The following VPS13C variants were observed in gnomAD, a reference collection of about 807,000 sequenced individuals.
The protein encoded by VPS13C is vacuolar protein sorting 13 homolog C, also known as intermembrane lipid transfer protein VPS13C.
A neutral mutation model predicts 456.8 loss-of-function variants in VPS13C; 358 were observed. The ratio of observed to expected loss-of-function variants is 0.78; its 90% CI spans 0.72 to 0.86. VPS13C has a LOEUF of 0.86. VPS13C is among the 40% of genes least tolerant of loss of function. VPS13C has a pLI of 0.00. For synonymous variants in VPS13C, 1,578 were observed against 1,486.7 expected (o/e 1.06, Z -1.41); for missense variants, 4,818 against 4,385.4 (o/e 1.10, Z -2.79).
At chr15:61,907,482 T>C in intron 65 of VPS13C, 92 bp from the exon 66 acceptor site, 2 of 1,465,246 alleles carry the variant, frequency 1.4e-6, no homozygotes, top group Admixed American at 4.9e-5. Context: ...AGCACAGAAG[T>C]CCTACGAAAT....
At chr15:62,029,721 G>T (rs1253845708) in intron 5 of VPS13C, among the ~76,000 whole-genome samples, 1 of 152,034 alleles carries the variant, frequency 6.6e-6, no homozygotes. Context: ...TTTCAACAAT[G>T]TGTAGACTGG....
chr15:62,044,256 C>T lies in VPS13C; in HGVS notation c.101-1G>A, dbSNP rs757475739. The T allele has an allele frequency of 7.4e-5, 108 of 1,468,024 alleles. No individual in the cohort carries two copies. Among genetic ancestry groups the T allele is most frequent in the Non-Finnish European group, 9.8e-5 (105 of 1,069,082 alleles). 90.9% of individuals were successfully genotyped at this position (1,468,024 alleles called of 1,614,324 possible). ...TGTAGATTATCTAAAGCCACATTTCCTTTAAAAAAAGAAAACAAAGAAAAA... is the reference window on the plus strand; with the variant it reads ...TGTAGATTATCTAAAGCCACATTTCTTTTAAAAAAAGAAAACAAAGAAAAA... On this transcript the variant is annotated splice_acceptor_variant, in intron 1 of 84. Transcript: ENST00000644861. LOFTEE classifies it high-confidence loss of function.
At chr15:62,052,042 A>C (rs572019585) in intron 1 of VPS13C, among the ~76,000 whole-genome samples, 106 of 152,334 alleles carry the variant, frequency 7.0e-4, no homozygotes, top group Middle Eastern at 3.4e-3. Flanking sequence ...TACTAAGAAT[A>C]GAATCTATGT....
intron 81 of VPS13C, chr15:61,864,887 T>C: frequency 2.1e-6 from 2 of 971,768 alleles, no homozygotes; most frequent in Non-Finnish European, 2.4e-6. Context: ...GAAATTTAAA[T>C]ATGTTAAAAT....
intron 81 of VPS13C, among the ~76,000 whole-genome samples, chr15:61,868,431 T>C (rs1442582931): frequency 6.6e-6 from 1 of 151,718 alleles, no homozygotes; most frequent in Admixed American, 6.6e-5. Flanking sequence ...CTTAACATTA[T>C]CTTTTCTGCA....
intron 82 of VPS13C, among the ~76,000 whole-genome samples, chr15:61,861,860 G>A (rs531911958): frequency 2.0e-5 from 3 of 152,290 alleles, no homozygotes; most frequent in South Asian, 4.1e-4. Flanking sequence ...GGCACTTTGG[G>A]AGGCCAAGGT....
intron 83 of VPS13C, 27 bp downstream of exon 83, chr15:61,856,259 C>T (rs1400285321): frequency 5.0e-6 from 8 of 1,611,402 alleles, no homozygotes; most frequent in South Asian, 1.1e-5. Flanking sequence ...GAACTCTTAG[C>T]TCTAAAGGTG....
intron 66 of VPS13C, among the ~76,000 whole-genome samples, chr15:61,901,734 C>T (rs569265272): frequency 1.3e-5 from 2 of 151,908 alleles, no homozygotes; most frequent in East Asian, 3.9e-4. Context: ...ACTAGAAATA[C>T]CATTTGACCC....
rs1312255531 is a variant in VPS13C, at chr15:61,853,185, C to A, written c.*1272G>T. The A allele has an allele frequency of 6.6e-6, 1 of 152,054 alleles. No homozygotes were observed. Among genetic ancestry groups the A allele is most frequent in the African/African-American group, 2.4e-5 (1 of 41,402 alleles). 9.4% of individuals were successfully genotyped at this position (152,054 alleles called of 1,614,324 possible). ...ACAGAACACAGTGTCATTATATATG[C>A]CTTATTTATATATAAAACAACCAAA... On this transcript the variant is annotated 3_prime_UTR_variant, in exon 85 of 85. Coordinates refer to ENST00000644861, the MANE Select transcript of VPS13C (RefSeq NM_020821.3).
At chr15:61,958,567 T>C (rs776525683) in intron 37 of VPS13C, 41 bp downstream of exon 37, 4 of 1,077,826 alleles carry the variant, frequency 3.7e-6, no homozygotes, top group East Asian at 2.7e-5. Context: ...CATAAATAAA[T>C]AGACACATAT....
At chr15:61,892,106 T>A (rs2042669793) in intron 66 of VPS13C, among the ~76,000 whole-genome samples, 1 of 152,134 alleles carries the variant, frequency 6.6e-6, no homozygotes, top group Non-Finnish European at 1.5e-5. Flanking sequence ...GGAAAACCAC[T>A]CCTGGCTCAG....
At position 61,983,848 on chromosome 15, in the gene VPS13C, G is replaced by C; in HGVS notation, c.1886C>G (p.Ser629Cys). 1 of 1,614,072 alleles carries C rather than the reference G, an allele frequency of 6.2e-7. No individual in the cohort carries two copies. Among genetic ancestry groups the C allele is most frequent in the South Asian group, 1.1e-5 (1 of 91,074 alleles). The change falls in exon 20 of 85, where the codon TCC becomes TGC. Residue 629 changes from serine to cysteine, a missense_variant. Transcript: ENST00000644861. ...SPADQTLIVQSQPVEVIYDAK... is the reference protein window; with the variant it reads ...SPADQTLIVQCQPVEVIYDAK... The stretch of plus-strand genomic sequence containing the variant: ...ATCATAGATGACCTCCACAGGCTGG[G>C]ACTGAACAATCAGAGTCTGGTCAGC...
chr15:62,038,786 A>G (rs1237808031), intron 3 of VPS13C, among the ~76,000 whole-genome samples: 1 of 152,202 alleles, frequency 6.6e-6, no homozygotes, highest in Non-Finnish European at 1.5e-5. Context: ...TCAAAACAGC[A>G]AAGTACATAA....
intron 66 of VPS13C, among the ~76,000 whole-genome samples, chr15:61,905,417 G>T (rs4774425): frequency 0.54 from 81,471 of 151,906 alleles, 22,155 homozygotes; most frequent in Admixed American, 0.62. Context: ...ATCTTATGTT[G>T]TAATTTAATC....
At chr15:62,040,607 A>C (rs942809168) in intron 3 of VPS13C, among the ~76,000 whole-genome samples, 14 of 152,120 alleles carry the variant, frequency 9.2e-5, no homozygotes, top group Non-Finnish European at 2.1e-4. Context: ...TTGGATACAA[A>C]GTTCAATATC....
chr15:61,911,716 G>T, intron 63 of VPS13C, 124 bp downstream of exon 63: 1 of 991,280 alleles, frequency 1.0e-6, no homozygotes, highest in Non-Finnish European at 1.4e-6. Flanking sequence ...ATCTTTCAAA[G>T]CTGGCTGTCA....
At chr15:62,028,782 A>T (rs1233560377) in intron 5 of VPS13C, among the ~76,000 whole-genome samples, 1 of 152,070 alleles carries the variant, frequency 6.6e-6, no homozygotes, top group African/African-American at 2.4e-5. Context: ...CCATTTTCAG[A>T]ATATAATATT....
intron 1 of VPS13C, among the ~76,000 whole-genome samples, chr15:62,045,667 A>C (rs1296518378): frequency 2.0e-5 from 3 of 152,174 alleles, no homozygotes; most frequent in African/African-American, 7.2e-5. Flanking sequence ...TTATTTTAGA[A>C]TCATTACTCA....
chr15:61,955,766 C>G (rs898464723), intron 37 of VPS13C, among the ~76,000 whole-genome samples: 3 of 151,978 alleles, frequency 2.0e-5, no homozygotes. Flanking sequence ...ATTAAAAGAT[C>G]CATTAAAAGA....
Sources: gnomAD v4.1 joint callset for allele counts (sites outside exome capture counted in the v4.1 genomes callset) on GRCh38, gnomAD v4.1.1 for gene constraint, MANE v1.5 for transcripts, NCBI Gene and HGNC (gene_info 2026-07-23, HGNC 2026-07-21) for gene names.